ABHD2: variants seen among roughly 807,000 people sequenced by gnomAD.
ABHD2 encodes the protein abhydrolase domain containing 2, acylglycerol lipase.
ABHD2 carries 20 observed loss-of-function variants against 48.1 expected under a neutral mutation model. The observed-to-expected ratio is 0.42, with a 90% CI of 0.29 to 0.60. The LOEUF is 0.60. Ranked by LOEUF, ABHD2 falls within the 20% of genes least tolerant of loss-of-function variation. The pLI, the probability that ABHD2 is intolerant of heterozygous loss-of-function variation, is 0.24. For missense variants in ABHD2, 405 were observed against 550.9 expected, an observed-to-expected ratio of 0.74 and a Z score of 2.65; for synonymous variants, 209 against 214.2, an observed-to-expected ratio of 0.98 and a Z score of 0.21.
the ABHD2 span, among the ~76,000 whole-genome samples, chr15:89,068,981 C>G: frequency 1.3e-5 from 2 of 151,544 alleles, no homozygotes; most frequent in East Asian, 3.9e-4. Context: ...ATTGGCCAGG[C>G]TGGTCTTGAA....
Position 89,175,988 on chromosome 15 carries a change from G to A in ABHD2, c.715G>A (p.Ala239Thr). The A allele has an allele frequency of 6.3e-7, 1 of 1,598,272 alleles. No individual in the cohort carries two copies. The highest frequency in any genetic ancestry group is 1.3e-5 in the African/African-American group (1 of 74,340). The part of the protein sequence containing the change: ...CCVSVCQGYS[A>T]LRAQETFMQW... ...CGTCAGCGTGTGCCAGGGGTACAGT[G>A]CACTGAGGTGAGTCATCTCCGCCTT... Residue 239 changes from alanine (A) to threonine (T), a missense_variant, in exon 6 of 11, where the codon GCA (alanine) becomes ACA (threonine). Ala to Thr is a moderately conservative substitution (Grantham distance 58, BLOSUM62 0). Coordinates refer to ENST00000352732, the MANE Select transcript of ABHD2 (RefSeq NM_152924.5). This position sits in a 1 kb window ranked among gnomAD's most constrained non-coding sequence, Gnocchi z 5.7.
the ABHD2 span, among the ~76,000 whole-genome samples, chr15:89,061,263 C>A: frequency 6.6e-6 from 1 of 151,814 alleles, no homozygotes; most frequent in Non-Finnish European, 1.5e-5. Flanking sequence ...ACTAAAAATA[C>A]AAAAATTAGC....
chr15:89,201,886 T>G lies in ABHD2; in HGVS notation c.*6463T>G, dbSNP rs369226856. The G allele has an allele frequency of 1.4e-4, 91 of 666,184 alleles. No homozygotes were observed. In the African/African-American group the frequency reaches 1.6e-3, roughly 12 times the overall value. The allele number at this position is 666,184 out of a possible 1,614,324, so 41.3% of individuals were successfully genotyped here. On this transcript the variant is annotated 3_prime_UTR_variant, in exon 11 of 11. Coordinates refer to ENST00000352732, the MANE Select transcript of ABHD2 (RefSeq NM_152924.5). ...AGAGGGGAGGGGGAGCGAGTTCGCA[T>G]CTCTCCTTTTCCTGGTTAGACTCTG...
chr15:89,049,697 C>T, the ABHD2 span, among the ~76,000 whole-genome samples: 1 of 152,238 alleles, frequency 6.6e-6, no homozygotes, highest in Non-Finnish European at 1.5e-5. Flanking sequence ...AAATGGAACT[C>T]CCTGACCCCT....
In ABHD2 at chr15:89,162,808, A is replaced by T. The variant is rs149578270; in HGVS notation, c.538+7274A>T. The stretch of plus-strand genomic sequence containing the variant: ...GAAATTATTTGTTTATATGGCTATC[A>T]TCTGTCTCTCCATCCCAGAAGTTCA... On this transcript the variant is annotated intron_variant, in intron 5 of 10. Coordinates refer to ENST00000352732, the MANE Select transcript of ABHD2 (RefSeq NM_152924.5). Among the ~76,000 whole-genome samples the T allele has an allele frequency of 3.1e-3, 474 of 152,190 alleles. 2 individuals are homozygous for T. The highest frequency in any genetic ancestry group is 0.011 in the African/African-American group (449 of 41,504).
rs371808513 is a variant in ABHD2, at chr15:89,195,471, G to A, written c.*48G>A. 3.9e-5 allele frequency: 61 copies of A among 1,575,594 alleles called. No individual in the cohort carries two copies. Among genetic ancestry groups the A allele is most frequent in the East Asian group, 9.1e-5 (4 of 44,008 alleles). ...CCAGCAGCCCTCCTCTGGAAGCTGC[G>A]TCCCCTCACCCCCTGTTTCAGGTCT... is the stretch of plus-strand genomic sequence containing the variant. On this transcript the variant is annotated 3_prime_UTR_variant, in exon 11 of 11. Coordinates refer to ENST00000352732, the MANE Select transcript of ABHD2 (RefSeq NM_152924.5). The surrounding 1 kb of genome is among the most constrained non-coding windows in gnomAD (Gnocchi z 5.1).
chr15:89,151,895 AG>A lies in ABHD2; in HGVS notation c.370+45del. ...GTGTGATTGAGCCATCACTCAGAGA[AG>A]GAGCACTAGTCAGTGGAGAGCACAG... On this transcript the variant is annotated intron_variant, in intron 4 of 10. Transcript: ENST00000352732. This position sits in a 1 kb window ranked among gnomAD's most constrained non-coding sequence, Gnocchi z 4.7. The A allele has an allele frequency of 6.2e-7, 1 of 1,600,580 alleles. No homozygotes were observed. Among genetic ancestry groups the A allele is most frequent in the Non-Finnish European group, 8.5e-7 (1 of 1,172,548 alleles).
chr15:89,060,740 G>C, the ABHD2 span, among the ~76,000 whole-genome samples: 7 of 151,772 alleles, frequency 4.6e-5, no homozygotes. Flanking sequence ...AAACGTATAA[G>C]AATAAAGACA....
At chr15:89,117,188 G>A (rs1441534026) in intron 3 of ABHD2, among the ~76,000 whole-genome samples, 1 of 152,128 alleles carries the variant, frequency 6.6e-6, no homozygotes, top group Non-Finnish European at 1.5e-5. Context: ...ACCATGCCCG[G>A]CTAATTTTTG....
intron 3 of ABHD2, among the ~76,000 whole-genome samples, chr15:89,134,333 G>A (rs2050268626): frequency 6.6e-6 from 1 of 152,050 alleles, no homozygotes; most frequent in Admixed American, 6.5e-5. Flanking sequence ...CCTGGTGTGA[G>A]GTGTGGCTCC....
chr15:89,138,643 T>A (rs1203430474), intron 3 of ABHD2, among the ~76,000 whole-genome samples: 5 of 152,204 alleles, frequency 3.3e-5, no homozygotes, highest in Admixed American at 6.5e-5. Flanking sequence ...TTCAAAGACC[T>A]GTGAAGACCA....
the ABHD2 span, among the ~76,000 whole-genome samples, chr15:89,080,979 C>G: frequency 7.4e-6 from 1 of 136,018 alleles, no homozygotes; most frequent in African/African-American, 2.8e-5. Flanking sequence ...CAGCATGTGT[C>G]AGAATTGTCA....
At chr15:89,132,867 G>A (rs1471338486) in intron 3 of ABHD2, among the ~76,000 whole-genome samples, 1 of 152,204 alleles carries the variant, frequency 6.6e-6, no homozygotes, top group Non-Finnish European at 1.5e-5. Context: ...GGTTTCTCAA[G>A]GATGGAGTTG....
At chr15:89,156,068 G>A (rs1224177489) in intron 5 of ABHD2, among the ~76,000 whole-genome samples, 1 of 151,390 alleles carries the variant, frequency 6.6e-6, no homozygotes, top group Non-Finnish European at 1.5e-5. Context: ...GGCCAGTTGT[G>A]GTGGCTCATG....
Position 89,201,485 on chromosome 15 carries a change from C to G in ABHD2, c.*6062C>G, listed in dbSNP as rs1436391166. ...GCCTCATTCCACACAGCTTCCATATCTGAAGTGTTTAGTGGAGCAAAAATT... is the reference window on the plus strand; with the variant it reads ...GCCTCATTCCACACAGCTTCCATATGTGAAGTGTTTAGTGGAGCAAAAATT... On this transcript the variant is annotated 3_prime_UTR_variant, in exon 11 of 11. Coordinates refer to ENST00000352732, the MANE Select transcript of ABHD2 (RefSeq NM_152924.5). 1.9e-6 allele frequency: 3 copies of G among 1,555,356 alleles called. No homozygotes were observed. The African/African-American group carries it at 4.1e-5, about 21-fold the overall frequency.
Position 89,137,033 on chromosome 15 carries a change from C to G in ABHD2, c.195-14644C>G, listed in dbSNP as rs2050325757. 6.6e-6 allele frequency among the ~76,000 whole-genome samples: 1 copy of G among 152,210 alleles called. No homozygotes were observed. The highest frequency in any genetic ancestry group is 1.5e-5 in the Non-Finnish European group (1 of 68,040). On this transcript the variant is annotated intron_variant, in intron 3 of 10. Transcript: ENST00000352732. This position sits in a 1 kb window ranked among gnomAD's most constrained non-coding sequence, Gnocchi z 4.8. The stretch of plus-strand genomic sequence containing the variant: ...AACTTTGCACTTAGCACCTTGGCAG[C>G]CCAGGTCTGGGAATAGTGGTGCCTT...
chr15:89,139,006 G>T (rs982783944), intron 3 of ABHD2, among the ~76,000 whole-genome samples: 1 of 147,266 alleles, frequency 6.8e-6, no homozygotes. Flanking sequence ...GCTTGAGCCC[G>T]GGAGATCAAG....
upstream of ABHD2, chr15:89,086,964 T>C (rs544908525): frequency 6.6e-6 from 1 of 152,020 alleles, no homozygotes; most frequent in African/African-American, 2.4e-5. Context: ...ACATGACAAC[T>C]GAATGAAAAA....
At chr15:89,171,433 A>T (rs909714074) in intron 5 of ABHD2, among the ~76,000 whole-genome samples, 2 of 152,218 alleles carry the variant, frequency 1.3e-5, no homozygotes, top group African/African-American at 4.8e-5. Flanking sequence ...TCATTCTTGC[A>T]GTAATATATA....
Sources: gnomAD v4.1 joint callset for allele counts (sites outside exome capture counted in the v4.1 genomes callset) on GRCh38, gnomAD v4.1.1 for gene constraint, Gnocchi (gnomAD v3.1) non-coding constraint, MANE v1.5 for transcripts, NCBI Gene and HGNC (gene_info 2026-07-23, HGNC 2026-07-21) for gene names.